The following KANK2 variants were observed in gnomAD, a reference collection of about 807,000 sequenced individuals.
The protein encoded by KANK2 is KN motif and ankyrin repeat domains 2, also known as KN motif and ankyrin repeat domain-containing protein 2.
In KANK2, 41 loss-of-function variants were observed where a neutral mutation model predicts 74.6. That is an observed-to-expected ratio of 0.55 (90% confidence interval 0.43 to 0.71). KANK2 has a LOEUF of 0.71. Ranked by LOEUF, KANK2 falls within the 30% of genes least tolerant of loss-of-function variation. The pLI is 0.00. For synonymous variants in KANK2, 537 were observed against 519.0 expected, an observed-to-expected ratio of 1.03 and a Z score of -0.47; for missense variants, 1,148 against 1,196.4, an observed-to-expected ratio of 0.96 and a Z score of 0.60.
At position 11,195,681 on chromosome 19, in the gene KANK2, GTCTCTCCACGTCTCTCT is replaced by G. The variant is rs901302812; in HGVS notation, c.-156_-140del. The G allele has an allele frequency of 4.5e-5, 2 of 43,986 alleles. No homozygotes were observed. The highest frequency in any genetic ancestry group is 3.3e-4 in the African/African-American group (2 of 6,152). The allele number at this position is 43,986 out of a possible 1,614,324, so 2.7% of individuals were successfully genotyped here. On this transcript the variant is annotated 5_prime_UTR_variant, in exon 2 of 13. Coordinates refer to ENST00000586659, the MANE Select transcript of KANK2 (RefSeq NM_001136191.3). ...TTTGTCTCTCTCCAAGTCTCTCTGTGTCTCTCCACGTCTCTCTGTGTCTCTCCACGTCTCTGTCTCTC... is the reference window on the plus strand; with the variant it reads ...TTTGTCTCTCTCCAAGTCTCTCTGTGGTGTCTCTCCACGTCTCTGTCTCTC...
intron 12 of KANK2, among the ~76,000 whole-genome samples, chr19:11,169,095 T>TG (rs1167526768): frequency 3.3e-5 from 5 of 152,114 alleles, no homozygotes; most frequent in African/African-American, 1.2e-4. Flanking sequence ...CCCAGCACTT[T>TG]GGGAGGCAGA....
chr19:11,176,054 A>C, intron 7 of KANK2, 65 bp from the exon 8 acceptor site: 2 of 1,257,374 alleles, frequency 1.6e-6, no homozygotes, highest in Non-Finnish European at 2.3e-6. Flanking sequence ...AAGGGACTTG[A>C]CATTCTGCAC....
chr19:11,193,547 A>T lies in KANK2; in HGVS notation c.533T>A (p.Val178Glu). Residue 178 changes from valine to glutamate, a missense_variant, in exon 4 of 13, where the codon GTG (valine) becomes GAG (glutamate). Transcript: ENST00000586659. This position sits in a 1 kb window ranked among gnomAD's most constrained non-coding sequence, Gnocchi z 9.6. The stretch of plus-strand genomic sequence containing the variant: ...GGCCAGGTGCCCGGCACTGGGAGGC[A>T]CCGGTGTGGACAGTCCTGAACTCCG... ...TPRSSGLSTPVPPSAGHLAHV... is the reference protein window; with the variant it reads ...TPRSSGLSTPEPPSAGHLAHV... 1.2e-6 allele frequency: 2 copies of T among 1,604,264 alleles called. No homozygotes were observed. Among genetic ancestry groups the T allele is most frequent in the Non-Finnish European group, 1.7e-6 (2 of 1,178,586 alleles).
rs1480222640 is a variant in KANK2, at chr19:11,179,075, G to A, written c.1250-355C>T. ...TCATGCCTGTAATCCCAGCACTTTG[G>A]GAGGCTGAGGCGGGCGAATCCCCTG... On this transcript the variant is annotated intron_variant, in intron 4 of 12. Transcript: ENST00000586659. Among the ~76,000 whole-genome samples, 8 of 152,234 alleles carry A rather than the reference G, an allele frequency of 5.3e-5. No homozygotes were observed. The East Asian group carries it at 1.5e-3, about 29-fold the overall frequency.
intron 4 of KANK2, among the ~76,000 whole-genome samples, chr19:11,187,250 C>T (rs939987891): frequency 6.6e-5 from 10 of 151,520 alleles, no homozygotes; most frequent in Admixed American, 4.0e-4. Flanking sequence ...GAGCGAGATT[C>T]CATCTCAAAA....
chr19:11,167,747 C>T (rs1354095727), intron 12 of KANK2, among the ~76,000 whole-genome samples: 6 of 151,568 alleles, frequency 4.0e-5, no homozygotes, highest in Middle Eastern at 3.4e-3. Context: ...AGGCTGGTCT[C>T]GAACTCCTGA....
Position 11,193,246 on chromosome 19 carries a change from C to G in KANK2, c.834G>C (p.Met278Ile). 6.2e-7 allele frequency: 1 copy of G among 1,610,282 alleles called. No individual in the cohort carries two copies. The highest frequency in any genetic ancestry group is 8.5e-7 in the Non-Finnish European group (1 of 1,179,782). ...GTWVRERDLG[M>I]PDGEAALAAK... ...CGGCGAGGGCAGCCTCCCCATCAGG[C>G]ATGCCCAAGTCCCGTTCTCGAACCC... The change falls in exon 4 of 13, where the codon ATG becomes ATC. Residue 278 changes from methionine to isoleucine, a missense_variant. Coordinates refer to ENST00000586659, the MANE Select transcript of KANK2 (RefSeq NM_001136191.3). This position sits in a 1 kb window ranked among gnomAD's most constrained non-coding sequence, Gnocchi z 9.6.
chr19:11,168,594 A>G (rs2078088727), intron 12 of KANK2, among the ~76,000 whole-genome samples: 6 of 152,146 alleles, frequency 3.9e-5, no homozygotes, highest in Admixed American at 3.9e-4. Flanking sequence ...GTCTCTTACC[A>G]GAATGCTCAC....
chr19:11,167,988 C>T (rs576941683), intron 12 of KANK2, among the ~76,000 whole-genome samples: 2 of 150,362 alleles, frequency 1.3e-5, no homozygotes, highest in African/African-American at 4.9e-5. Flanking sequence ...CCCCATCACT[C>T]GCCATCCCAC....
At position 11,192,855 on chromosome 19, in the gene KANK2, C is replaced by T; in HGVS notation, c.1225G>A (p.Glu409Lys). Reference protein sequence around the residue: ...VHMVKKISITERSCDGAAGLP... With the variant: ...VHMVKKISITKRSCDGAAGLP... ...CCTGCTGCTCCATCGCAGCTTCGCTCTGTGATGCTAATCTTCTTCACCATA... is the reference window on the plus strand; with the variant it reads ...CCTGCTGCTCCATCGCAGCTTCGCTTTGTGATGCTAATCTTCTTCACCATA... Residue 409 changes from glutamate to lysine, a missense_variant, in exon 4 of 13, where the codon GAG (glutamate) becomes AAG (lysine). By Grantham distance (56) the Glu-to-Lys change is moderately conservative. Coordinates refer to ENST00000586659, the MANE Select transcript of KANK2 (RefSeq NM_001136191.3). 1.2e-6 allele frequency: 2 copies of T among 1,606,860 alleles called. No individual in the cohort carries two copies. Among genetic ancestry groups the T allele is most frequent in the Non-Finnish European group, 1.7e-6 (2 of 1,176,578 alleles).
Position 11,176,661 on chromosome 19 carries a change from C to T in KANK2, c.1677G>A (p.Arg559=). Residue 559 remains arginine (R), a synonymous_variant, in exon 7 of 13, where the codon CGG becomes CGA. Coordinates refer to ENST00000586659, the MANE Select transcript of KANK2 (RefSeq NM_001136191.3). The part of the protein sequence containing the change: ...PAGTAAAKTS[R]QECQLSRESQ... ...ATTCTCGAGACAGCTGACACTCCTG[C>T]CGGCTGGTCTTGGCCGCTGCCGTCC... is the stretch of plus-strand genomic sequence containing the variant. 1 of 1,613,684 alleles carries T rather than the reference C, an allele frequency of 6.2e-7. No individual in the cohort carries two copies.
rs757619437 is a variant in KANK2 at position 11,178,533 on chromosome 19, G to A, written c.1417+20C>T. The A allele has an allele frequency of 6.2e-7, 1 of 1,602,988 alleles. No individual in the cohort carries two copies. On this transcript the variant is annotated intron_variant, in intron 5 of 12. Transcript: ENST00000586659. ...GCCATCCCGGTGCCCCGTCCCTCTT[G>A]GCGGCCACCCACCACTTACCGGTGC...
At chr19:11,175,053 G>A (rs975056551) in intron 8 of KANK2, among the ~76,000 whole-genome samples, 1 of 151,504 alleles carries the variant, frequency 6.6e-6, no homozygotes, top group African/African-American at 2.4e-5. Flanking sequence ...AACCTCCTAG[G>A]CTCAAGCTAT....
intron 4 of KANK2, among the ~76,000 whole-genome samples, chr19:11,182,325 C>T (rs897146983): frequency 1.3e-5 from 2 of 151,034 alleles, no homozygotes; most frequent in African/African-American, 4.9e-5. Flanking sequence ...CAAGACCAGC[C>T]TGGGCAACAT....
At chr19:11,175,427 CAAAAA>C (rs753933217) in intron 8 of KANK2, among the ~76,000 whole-genome samples, 15 of 14,974 alleles carry the variant, frequency 1.0e-3, no homozygotes, top group African/African-American at 2.8e-3. Context: ...GACTCCCTCT[CAAAAA>C]AAAAAAAAAA....
rs1465527462 is a variant in KANK2, at chr19:11,192,853, C to T, written c.1227G>A (p.Glu409=). 8 of 1,600,422 alleles carry T rather than the reference C, an allele frequency of 5.0e-6. No homozygotes were observed. The highest frequency in any genetic ancestry group is 6.8e-6 in the Non-Finnish European group (8 of 1,173,170). ...VHMVKKISIT[E]RSCDGAAGLP... ...TACCTGCTGCTCCATCGCAGCTTCGCTCTGTGATGCTAATCTTCTTCACCA... is the reference window on the plus strand; with the variant it reads ...TACCTGCTGCTCCATCGCAGCTTCGTTCTGTGATGCTAATCTTCTTCACCA... Residue 409 remains glutamate, a synonymous_variant, in exon 4 of 13, where the codon GAG becomes GAA. Transcript: ENST00000586659.
At chr19:11,173,691 C>A (rs547349858) in intron 9 of KANK2, among the ~76,000 whole-genome samples, 1 of 152,350 alleles carries the variant, frequency 6.6e-6, no homozygotes, top group South Asian at 2.1e-4. Context: ...GTGCCTCCCC[C>A]ACCAGACTGG....
chr19:11,170,505 G>A lies in KANK2; in HGVS notation c.2212-257C>T, dbSNP rs2078145617. 3.6e-6 allele frequency: 2 copies of A among 556,620 alleles called. No individual in the cohort carries two copies. Among genetic ancestry groups the A allele is most frequent in the Non-Finnish European group, 6.5e-6 (2 of 309,866 alleles). The allele number at this position is 556,620 out of a possible 1,614,324, so 34.5% of individuals were successfully genotyped here. Reference sequence around the variant, plus strand: ...AATGATGGATACAGGTTTCCTTTGGGGGTGAAGAGAACGTTCTGGAACTAG... The same window carrying A: ...AATGATGGATACAGGTTTCCTTTGGAGGTGAAGAGAACGTTCTGGAACTAG... On this transcript the variant is annotated intron_variant, in intron 10 of 12. Transcript: ENST00000586659. The surrounding 1 kb of genome is among the most constrained non-coding windows in gnomAD (Gnocchi z 5.2).
chr19:11,178,320 G>A (rs752366150), intron 6 of KANK2, 25 bp downstream of exon 6: 106 of 581,040 alleles, frequency 1.8e-4, no homozygotes, highest in Non-Finnish European at 2.7e-4. Context: ...AGTATGGGGT[G>A]GGGGGTGGGG....
Sources: allele counts gnomAD v4.1 joint callset (sites outside exome capture counted in the v4.1 genomes callset), GRCh38; gene constraint gnomAD v4.1.1; non-coding constraint Gnocchi (gnomAD v3.1); transcripts MANE v1.5; gene names NCBI Gene and HGNC (gene_info 2026-07-23, HGNC 2026-07-21).